INTS1: variants seen among roughly 807,000 people sequenced by gnomAD.
INTS1 encodes the protein integrator complex subunit 1.
In INTS1, 137 loss-of-function variants were observed where a neutral mutation model predicts 241.6. That is an observed-to-expected ratio of 0.57 (90% CI 0.49 to 0.65). The LOEUF is 0.65. INTS1 is among the 30% of genes least tolerant of loss of function. The pLI, the probability that INTS1 is intolerant of heterozygous loss-of-function variation, is 0.00. For missense variants in INTS1, 3,073 were observed against 3,032.2 expected (o/e 1.01, Z -0.32); for synonymous variants, 1,692 against 1,337.8 (o/e 1.26, Z -5.78).
At chr7:1,482,277 T>C (rs1026505954) in intron 27 of INTS1, 21 of 355,166 alleles carry the variant, frequency 5.9e-5, no homozygotes, top group African/African-American at 4.2e-4. Flanking sequence ...TTCTCTTTTT[T>C]CCATCGAGGA....
Position 1,499,142 on chromosome 7 carries a change from T to C in INTS1, c.970A>G (p.Ser324Gly), listed in dbSNP as rs1490882055. 2 of 1,610,268 alleles carry C rather than the reference T, an allele frequency of 1.2e-6. No individual in the cohort carries two copies. Among genetic ancestry groups the C allele is most frequent in the Admixed American group, 1.7e-5 (1 of 59,932 alleles). The change falls in exon 8 of 48, where the codon AGC becomes GGC. Residue 324 changes from serine (S) to glycine (G), a missense_variant. Ser to Gly is a moderately conservative substitution (Grantham distance 56). Coordinates refer to ENST00000404767, the MANE Select transcript of INTS1 (RefSeq NM_001080453.3). ...LMPRYEELAE[S>G]VEEYVLDMLR... ...ATGTCCAGGACATACTCCTCCACGC[T>C]CTCCGCGAGCTCTTCGTACCTAGGC...
Position 1,485,214 on chromosome 7 carries a change from G to A in INTS1, c.3157-12C>T, listed in dbSNP as rs779251787. The A allele has an allele frequency of 1.1e-5, 17 of 1,599,484 alleles. No homozygotes were observed. The highest frequency in any genetic ancestry group is 1.4e-5 in the Non-Finnish European group (16 of 1,178,854). ...TCCATGTGGATTGCCTGGAGGGGAG[G>A]GTGGTCTGAGCGGCAACAGGGCAGG... On this transcript the variant is annotated splice_polypyrimidine_tract_variant and intron_variant, in intron 23 of 47. Coordinates refer to ENST00000404767, the MANE Select transcript of INTS1 (RefSeq NM_001080453.3).
chr7:1,473,134 G>T lies in INTS1; in HGVS notation c.6008C>A (p.Ala2003Glu). The T allele has an allele frequency of 6.2e-7, 1 of 1,612,248 alleles. No homozygotes were observed. The highest frequency in any genetic ancestry group is 1.1e-5 in the South Asian group (1 of 91,074). ...GTCCCTGCTGGGCAGGCTGAGCCCT[G>T]CAAGGAGGGATTTCAGCATCACCAG... ...SDLVMLKSLL[A>E]GLSLPSRDDR... Residue 2003 changes from alanine (A) to glutamate (E), a missense_variant, in exon 43 of 48, where the codon GCA (alanine) becomes GAA (glutamate). Transcript: ENST00000404767.
chr7:1,481,670 C>A lies in INTS1; in HGVS notation c.3704-182G>T, dbSNP rs28524670. ...GCACACTCGGCAGCCCCACCTGAGA[C>A]CCTGGGCCACGTGGGCTCGGTGACC... is the stretch of plus-strand genomic sequence containing the variant. On this transcript the variant is annotated intron_variant, in intron 27 of 47. Coordinates refer to ENST00000404767, the MANE Select transcript of INTS1 (RefSeq NM_001080453.3). The surrounding 1 kb of genome is among the most constrained non-coding windows in gnomAD (Gnocchi z 6.8). Among the ~76,000 whole-genome samples the A allele has an allele frequency of 0.052, 7,622 of 145,226 alleles. 748 individuals are homozygous for A. The highest frequency in any genetic ancestry group is 0.19 in the African/African-American group (7,013 of 36,954).
chr7:1,485,548 T>C, intron 22 of INTS1, 79 bp from the exon 23 acceptor site: 5 of 1,449,948 alleles, frequency 3.4e-6, no homozygotes, highest in South Asian at 1.2e-5. Flanking sequence ...AGCACACGCA[T>C]GGTGCCCTCA....
chr7:1,487,914 G>C lies in INTS1; in HGVS notation c.2362C>G (p.Arg788Gly). 1.9e-6 allele frequency: 3 copies of C among 1,613,460 alleles called. No individual in the cohort carries two copies. Among genetic ancestry groups the C allele is most frequent in the Non-Finnish European group, 2.5e-6 (3 of 1,179,838 alleles). The change falls in exon 19 of 48, where the codon CGG becomes GGG. Residue 788 changes from arginine to glycine, a missense_variant. Coordinates refer to ENST00000404767, the MANE Select transcript of INTS1 (RefSeq NM_001080453.3). ...AGCTCACGGTTCAGCATCTCCGTCC[G>C]GGTCTCCTCATCCGTCAGGGTGCAC... The part of the protein sequence containing the change: ...PPCTLTDEET[R>G]TEMLNRELQT...
rs762553447 is a variant in INTS1 at position 1,502,851 on chromosome 7, G to A, written c.349+50C>T. 3.8e-5 allele frequency: 61 copies of A among 1,599,838 alleles called. No homozygotes were observed. The South Asian group carries it at 6.8e-4, about 18-fold the overall frequency. On this transcript the variant is annotated intron_variant, in intron 3 of 47. Transcript: ENST00000404767. The stretch of plus-strand genomic sequence containing the variant: ...GGGGGCCTTCCCTGAACACCTGATG[G>A]ACGGCATGAGCTGAGGGGTGTTCTC...
Position 1,495,499 on chromosome 7 carries a change from G to A in INTS1, c.1766C>T (p.Ala589Val), listed in dbSNP as rs866540709. The change falls in exon 13 of 48, where the codon GCC becomes GTC. Residue 589 changes from alanine to valine, a missense_variant. Transcript: ENST00000404767. ...QNQIAAIQRDAVWWLHTVVPS... is the reference protein window; with the variant it reads ...QNQIAAIQRDVVWWLHTVVPS... ...GACCACAGTGTGGAGCCACCAGACG[G>A]CATCCCGCTGGATGGCGGCAATCTG... The A allele has an allele frequency of 6.2e-7, 1 of 1,612,600 alleles. No individual in the cohort carries two copies. Among genetic ancestry groups the A allele is most frequent in the Non-Finnish European group, 8.5e-7 (1 of 1,179,700 alleles).
At position 1,473,663 on chromosome 7, in the gene INTS1, C is replaced by T. The variant is rs748919712; in HGVS notation, c.5860G>A (p.Ala1954Thr). The T allele has an allele frequency of 3.7e-6, 6 of 1,613,404 alleles. No individual in the cohort carries two copies. Among genetic ancestry groups the T allele is most frequent in the East Asian group, 4.5e-5 (2 of 44,876 alleles). The change falls in exon 42 of 48, where the codon GCC becomes ACC. Residue 1954 changes from alanine (A) to threonine (T), a missense_variant. By Grantham distance (58) the Ala-to-Thr change is moderately conservative. Transcript: ENST00000404767. ...AACTGCACAAACTTGTTGATGAAGGCAGCCAGATGGCGGGAGGACTTCCTG... is the reference window on the plus strand; with the variant it reads ...AACTGCACAAACTTGTTGATGAAGGTAGCCAGATGGCGGGAGGACTTCCTG... ...NYRKSSRHLA[A>T]FINKFVQFIH...
chr7:1,488,103 G>T, intron 18 of INTS1, 146 bp from the exon 19 acceptor site: 1 of 812,828 alleles, frequency 1.2e-6, no homozygotes, highest in Non-Finnish European at 2.0e-6. Flanking sequence ...GCGCCCGGTA[G>T]CATCCATGGG....
intron 18 of INTS1, among the ~76,000 whole-genome samples, chr7:1,489,064 G>C (rs1300072847): frequency 1.3e-5 from 2 of 152,082 alleles, no homozygotes; most frequent in African/African-American, 2.4e-5. Flanking sequence ...CACTCCTGTC[G>C]GCAGCATAAG....
In INTS1 at chr7:1,471,164, G is replaced by T; in HGVS notation, c.6316C>A (p.Leu2106Met). The T allele has an allele frequency of 6.3e-7, 1 of 1,580,972 alleles. No individual in the cohort carries two copies. The highest frequency in any genetic ancestry group is 8.6e-7 in the Non-Finnish European group (1 of 1,164,930). The part of the protein sequence containing the change: ...EECCRNLAFS[L>M]ALRSMQNSPS... Reference sequence around the variant, plus strand: ...CTGTTCTGCATGGAGCGCAGGGCCAGGCTGAAGGCGAGGTTGCGGCAACAC... The same window carrying T: ...CTGTTCTGCATGGAGCGCAGGGCCATGCTGAAGGCGAGGTTGCGGCAACAC... Residue 2106 changes from leucine (L) to methionine (M), a missense_variant, in exon 46 of 48, where the codon CTG becomes ATG. By Grantham distance (15) the Leu-to-Met change is conservative. Coordinates refer to ENST00000404767, the MANE Select transcript of INTS1 (RefSeq NM_001080453.3).
Position 1,483,562 on chromosome 7 carries a change from T to A in INTS1, c.3541+180A>T, listed in dbSNP as rs1338251370. The A allele has an allele frequency of 1.2e-5, 8 of 646,406 alleles. No individual in the cohort carries two copies. The Admixed American group carries it at 1.5e-4, about 12-fold the overall frequency. 40.0% of individuals were successfully genotyped at this position (646,406 alleles called of 1,614,324 possible). A position where few individuals can be genotyped will look rare whatever the true frequency, so the allele number is the denominator to read the frequency against. The stretch of plus-strand genomic sequence containing the variant: ...GATCTCCCACACGTCCACCAAGTGC[T>A]CAGAGACACGCGGGACGGACTGCAG... On this transcript the variant is annotated intron_variant, in intron 26 of 47. Transcript: ENST00000404767.
At chr7:1,501,236 G>C (rs750760979) in intron 3 of INTS1, 1 of 151,948 alleles carries the variant, frequency 6.6e-6, no homozygotes, top group African/African-American at 2.4e-5. Context: ...AGTGAGCCGA[G>C]ATCGTGCCAC....
At chr7:1,484,280 G>A (rs1173702152) in intron 24 of INTS1, 110 bp from the exon 25 acceptor site, 22 of 1,166,784 alleles carry the variant, frequency 1.9e-5, no homozygotes, top group Admixed American at 6.9e-5. Context: ...AGCAGGGCCC[G>A]CGGCACCGCA....
rs1781551265 is a variant in INTS1, at chr7:1,473,165, T to G, written c.5977A>C (p.Ser1993Arg). 6.2e-7 allele frequency: 1 copy of G among 1,611,714 alleles called. No homozygotes were observed. Among genetic ancestry groups the G allele is most frequent in the Admixed American group, 1.7e-5 (1 of 59,946 alleles). Residue 1993 changes from serine to arginine, a missense_variant, in exon 43 of 48, where the codon AGT becomes CGT. Transcript: ENST00000404767. ...DPLHDLSFDN[S>R]DLVMLKSLLA... Reference sequence around the variant, plus strand: ...AGGGATTTCAGCATCACCAGGTCACTGTTGTCGAAGGACAGGTCGCTGGGG... The same window carrying G: ...AGGGATTTCAGCATCACCAGGTCACGGTTGTCGAAGGACAGGTCGCTGGGG...
intron 22 of INTS1, among the ~76,000 whole-genome samples, chr7:1,486,359 G>A (rs1170148076): frequency 2.0e-5 from 3 of 151,792 alleles, no homozygotes; most frequent in African/African-American, 2.4e-5. Flanking sequence ...CGCCTCCTAG[G>A]TACAAGCGAG....
At chr7:1,475,658 C>T (rs1295540544) in intron 39 of INTS1, among the ~76,000 whole-genome samples, 2 of 152,194 alleles carry the variant, frequency 1.3e-5, no homozygotes, top group African/African-American at 4.8e-5. Flanking sequence ...AACGTGACCC[C>T]ACGTCCACCA....
At position 1,472,014 on chromosome 7, in the gene INTS1, ACC is replaced by A. The variant is rs1301170293; in HGVS notation, c.6184+257_6184+258del. ...CACCCGCCTGACCTCTTCCTGCTGTACCCCCACCACCTTAGGGGGCTCCCCTG... is the reference window on the plus strand; with the variant it reads ...CACCCGCCTGACCTCTTCCTGCTGTACCCACCACCTTAGGGGGCTCCCCTG... On this transcript the variant is annotated intron_variant, in intron 44 of 47. Coordinates refer to ENST00000404767, the MANE Select transcript of INTS1 (RefSeq NM_001080453.3). 2.0e-5 allele frequency among the ~76,000 whole-genome samples: 3 copies of A among 151,360 alleles called. No homozygotes were observed. The East Asian group carries it at 5.9e-4, about 30-fold the overall frequency.
Sources: gnomAD v4.1 joint callset for allele counts (sites outside exome capture counted in the v4.1 genomes callset) on GRCh38, gnomAD v4.1.1 for gene constraint, Gnocchi (gnomAD v3.1) non-coding constraint, MANE v1.5 for transcripts, NCBI Gene and HGNC (gene_info 2026-07-23, HGNC 2026-07-21) for gene names.